FAF1: variants seen among roughly 807,000 people sequenced by gnomAD.
The protein encoded by FAF1 is FAS-associated factor 1.
Under a neutral mutation model 92.5 loss-of-function variants are expected in FAF1, and 25 were observed. The ratio of observed to expected loss-of-function variants is 0.27; its 90% CI spans 0.20 to 0.38. The LOEUF is 0.38. Among genes scored for constraint, FAF1 ranks in the 10% least tolerant of loss-of-function variants. The pLI is 1.00. For missense variants in FAF1, 636 were observed against 793.3 expected, an observed-to-expected ratio of 0.80 and a Z score of 2.38; for synonymous variants, 234 against 273.2, an observed-to-expected ratio of 0.86 and a Z score of 1.42.
At chr1:50,491,935 G>A (rs933248346) in intron 15 of FAF1, 134 bp from the exon 16 acceptor site, 8 of 630,836 alleles carry the variant, frequency 1.3e-5, no homozygotes, top group African/African-American at 7.4e-5. Context: ...AAAGTGTATA[G>A]GACATAAATA....
At chr1:50,911,329 C>T (rs1227442939) in intron 1 of FAF1, among the ~76,000 whole-genome samples, 1 of 151,250 alleles carries the variant, frequency 6.6e-6, no homozygotes, top group Non-Finnish European at 1.5e-5. Context: ...GCCTCGGCCT[C>T]CCAAAGTACT....
intron 18 of FAF1, among the ~76,000 whole-genome samples, chr1:50,455,563 G>C (rs1449174123): frequency 6.6e-6 from 1 of 152,218 alleles, no homozygotes; most frequent in Non-Finnish European, 1.5e-5. Flanking sequence ...TTTCGGAAGA[G>C]AGTTGTCAAT....
chr1:50,565,862 C>A (rs556116583), intron 13 of FAF1, among the ~76,000 whole-genome samples: 1 of 152,036 alleles, frequency 6.6e-6, no homozygotes, highest in Non-Finnish European at 1.5e-5. Flanking sequence ...TTCCTTACTG[C>A]CAGTGAATGG....
intron 4 of FAF1, among the ~76,000 whole-genome samples, chr1:50,757,551 A>G (rs1269237798): frequency 6.6e-6 from 1 of 152,158 alleles, no homozygotes; most frequent in Non-Finnish European, 1.5e-5. Flanking sequence ...AGCTCATCCC[A>G]TACTAACATA....
chr1:50,501,365 A>C (rs546901908), intron 15 of FAF1, among the ~76,000 whole-genome samples: 1 of 152,266 alleles, frequency 6.6e-6, no homozygotes, highest in South Asian at 2.1e-4. Context: ...AGAATGTCTC[A>C]GTTTAAAAGA....
intron 7 of FAF1, among the ~76,000 whole-genome samples, chr1:50,694,792 C>CAAAAAAAAAA (rs371721063): frequency 6.4e-4 from 35 of 55,092 alleles, no homozygotes; most frequent in African/African-American, 8.7e-4. Flanking sequence ...CTAAAAAATA[C>CAAAAAAAAAA]AAAAAAAAAA....
At chr1:50,859,467 C>A (rs1644415388) in intron 1 of FAF1, among the ~76,000 whole-genome samples, 1 of 151,858 alleles carries the variant, frequency 6.6e-6, no homozygotes, top group African/African-American at 2.4e-5. Context: ...ACCAATAACA[C>A]TCCAGCTGAA....
intron 8 of FAF1, among the ~76,000 whole-genome samples, chr1:50,603,157 T>C (rs74784988): frequency 0.013 from 1,985 of 152,358 alleles, 43 homozygotes; most frequent in African/African-American, 0.044. Flanking sequence ...TCTTACTATC[T>C]GATAACCAGT....
At chr1:50,868,948 T>C (rs1644504757) in intron 1 of FAF1, among the ~76,000 whole-genome samples, 1 of 152,208 alleles carries the variant, frequency 6.6e-6, no homozygotes, top group Non-Finnish European at 1.5e-5. Context: ...AAATTATCTG[T>C]ATCTTTACTG....
intron 9 of FAF1, among the ~76,000 whole-genome samples, chr1:50,591,674 G>GAA (rs35426054): frequency 1.1e-4 from 10 of 93,652 alleles, no homozygotes; most frequent in South Asian, 3.9e-4. Context: ...CTCCATCTCA[G>GAA]AAAAAAAAAA....
At position 50,788,883 on chromosome 1, in the gene FAF1, C is replaced by A. The variant is rs999666701; in HGVS notation, c.162-678G>T. On this transcript the variant is annotated intron_variant, in intron 3 of 18. Transcript: ENST00000396153. ...GTCTCTCTCTGTTATCCAGGCTGGA[C>A]AGCAGTGGCACAATCTTGGCTCATT... Among the ~76,000 whole-genome samples, 41 of 152,060 alleles carry A rather than the reference C, an allele frequency of 2.7e-4. 2 individuals are homozygous for A. The highest frequency in any genetic ancestry group is 1.5e-3 in the Admixed American group (23 of 15,266).
chr1:50,947,893 C>A (rs1264858517), intron 1 of FAF1, among the ~76,000 whole-genome samples: 1 of 152,074 alleles, frequency 6.6e-6, no homozygotes, highest in East Asian at 1.9e-4. Context: ...ACCATAACAG[C>A]CTAAACTAAG....
At chr1:50,614,246 C>T (rs1652805656) in intron 8 of FAF1, among the ~76,000 whole-genome samples, 1 of 152,142 alleles carries the variant, frequency 6.6e-6, no homozygotes, top group Non-Finnish European at 1.5e-5. Context: ...CAGACTCATA[C>T]CTGCAGCACT....
intron 1 of FAF1, among the ~76,000 whole-genome samples, chr1:50,924,994 A>G (rs898738458): frequency 6.6e-6 from 1 of 152,184 alleles, no homozygotes; most frequent in Non-Finnish European, 1.5e-5. Flanking sequence ...AAAAAACATA[A>G]CAAAACAAAA....
intron 1 of FAF1, among the ~76,000 whole-genome samples, chr1:50,942,437 T>C (rs1403588870): frequency 6.6e-6 from 1 of 151,574 alleles, no homozygotes; most frequent in Non-Finnish European, 1.5e-5. Context: ...TAAACCACAC[T>C]GTATTTTAAG....
intron 6 of FAF1, among the ~76,000 whole-genome samples, chr1:50,706,417 C>A (rs1379850683): frequency 3.3e-5 from 5 of 152,112 alleles, no homozygotes; most frequent in African/African-American, 1.2e-4. Flanking sequence ...TCACTTAGGA[C>A]TCAGTAATAC....
chr1:50,822,946 G>C (rs1392780365), intron 2 of FAF1, among the ~76,000 whole-genome samples: 1 of 151,828 alleles, frequency 6.6e-6, no homozygotes, highest in Admixed American at 6.6e-5. Context: ...AGCTAATTTT[G>C]TATTTTTAGT....
At chr1:50,711,769 C>CT (rs1553130956) in intron 6 of FAF1, among the ~76,000 whole-genome samples, 1 of 151,998 alleles carries the variant, frequency 6.6e-6, no homozygotes, top group East Asian at 1.9e-4. Flanking sequence ...CCGGCCTGTT[C>CT]TTTTTTACAG....
At chr1:50,689,993 C>CTTTTTTT (rs1159221059) in intron 7 of FAF1, among the ~76,000 whole-genome samples, 4 of 122,334 alleles carry the variant, frequency 3.3e-5, no homozygotes, top group Non-Finnish European at 5.1e-5. Flanking sequence ...CATTATATTT[C>CTTTTTTT]TTTTTTTTTT....
Sources: gnomAD v4.1 joint callset for allele counts (sites outside exome capture counted in the v4.1 genomes callset) on GRCh38, gnomAD v4.1.1 for gene constraint, MANE v1.5 for transcripts, NCBI Gene and HGNC (gene_info 2026-07-23, HGNC 2026-07-21) for gene names.